CRLF1: variants seen among roughly 807,000 people sequenced by gnomAD.
The protein encoded by CRLF1 is cytokine receptor like factor 1, also known as cytokine receptor-like factor 1.
Under a neutral mutation model 48.9 loss-of-function variants are expected in CRLF1, and 36 were observed. The ratio of observed to expected loss-of-function variants is 0.74; its 90% CI spans 0.56 to 0.97. The LOEUF (loss-of-function observed/expected upper bound fraction) is 0.97, where lower values mean the gene tolerates loss of function less well. Among genes scored for constraint, CRLF1 ranks in the 50% least tolerant of loss-of-function variants. The pLI is 0.00. For missense variants in CRLF1, 534 were observed against 575.1 expected (o/e 0.93, Z 0.73); for synonymous variants, 256 against 253.4 (o/e 1.01, Z -0.10).
Position 18,596,986 on chromosome 19 carries a change from C to G in CRLF1, c.761G>C (p.Ser254Thr), listed in dbSNP as rs142531140. Residue 254 changes from serine (S) to threonine (T), a missense_variant, in exon 5 of 9, where the codon AGC becomes ACC. By Grantham distance (58) the Ser-to-Thr change is moderately conservative. Coordinates refer to ENST00000392386, the MANE Select transcript of CRLF1 (RefSeq NM_004750.5). The part of the protein sequence containing the change: ...SRVGGLEDQL[S>T]VRWVSPPALK... ...GGCGGGTGGCGACACCCAGCGCACG[C>G]TCAGCTGGTCCTCCAGGCCCCCGAC... 3.1e-6 allele frequency: 5 copies of G among 1,613,738 alleles called. No individual in the cohort carries two copies. The Admixed American group carries it at 8.3e-5, about 27-fold the overall frequency.
Position 18,597,013 on chromosome 19 carries a change from C to G in CRLF1, c.734G>C (p.Arg245Pro), listed in dbSNP as rs1010586021. Residue 245 changes from arginine to proline, a missense_variant, in exon 5 of 9, where the codon CGC (arginine) becomes CCC (proline). Arg to Pro is a moderately radical substitution (Grantham distance 103, BLOSUM62 -2). Coordinates refer to ENST00000392386, the MANE Select transcript of CRLF1 (RefSeq NM_004750.5). ...TDPPPDVHVSRVGGLEDQLSV... is the reference protein window; with the variant it reads ...TDPPPDVHVSPVGGLEDQLSV... ...CAGCTGGTCCTCCAGGCCCCCGACG[C>G]GGCTCACGTGCACGTCGGGCGGGGG... is the stretch of plus-strand genomic sequence containing the variant. The G allele has an allele frequency of 1.2e-6, 2 of 1,613,198 alleles. No homozygotes were observed. The highest frequency in any genetic ancestry group is 1.7e-6 in the Non-Finnish European group (2 of 1,179,886).
intron 6 of CRLF1, 134 bp from the exon 7 acceptor site, chr19:18,594,568 T>G: frequency 4.8e-6 from 3 of 631,474 alleles, no homozygotes; most frequent in African/African-American, 2.0e-5. Flanking sequence ...AAGGACCGAG[T>G]CCTCCCCGCG....
chr19:18,595,313 C>G (rs1284000193), intron 6 of CRLF1, among the ~76,000 whole-genome samples: 1 of 152,236 alleles, frequency 6.6e-6, no homozygotes, highest in Non-Finnish European at 1.5e-5. Context: ...AAGGCTCAGG[C>G]CCCTCCCGGC....
chr19:18,595,662 C>G (rs186124855), intron 6 of CRLF1, among the ~76,000 whole-genome samples: 32 of 152,342 alleles, frequency 2.1e-4, no homozygotes, highest in Admixed American at 1.4e-3. Flanking sequence ...GTCATCCAAC[C>G]CTCATAACAG....
intron 1 of CRLF1, among the ~76,000 whole-genome samples, chr19:18,603,537 G>C (rs979206833): frequency 2.6e-5 from 4 of 152,192 alleles, no homozygotes; most frequent in East Asian, 1.9e-4. Context: ...TGAGATATGC[G>C]TTAAAAGGAC....
At chr19:18,605,699 T>G (rs1193273801) in intron 1 of CRLF1, among the ~76,000 whole-genome samples, 1 of 152,158 alleles carries the variant, frequency 6.6e-6, no homozygotes, top group Non-Finnish European at 1.5e-5. Flanking sequence ...CGGGTCTGCA[T>G]ACGGAGACGT....
At chr19:18,605,244 C>G (rs1247158903) in intron 1 of CRLF1, among the ~76,000 whole-genome samples, 2 of 152,166 alleles carry the variant, frequency 1.3e-5, no homozygotes, top group African/African-American at 4.8e-5. Flanking sequence ...CTGGCAGAGC[C>G]GTCAGGGGCC....
At position 18,606,347 on chromosome 19, in the gene CRLF1, G is replaced by A. The variant is rs1976295627; in HGVS notation, c.115+195C>T. ...AGGTAACAGGGCCTCGGGCGCGGAA[G>A]CAGGACTCTCTGGACAGTGGACTGC... On this transcript the variant is annotated intron_variant, in intron 1 of 8. Coordinates refer to ENST00000392386, the MANE Select transcript of CRLF1 (RefSeq NM_004750.5). This position sits in a 1 kb window ranked among gnomAD's most constrained non-coding sequence, Gnocchi z 4.8. 6.6e-6 allele frequency among the ~76,000 whole-genome samples: 1 copy of A among 151,266 alleles called. No individual in the cohort carries two copies. Among genetic ancestry groups the A allele is most frequent in the Non-Finnish European group, 1.5e-5 (1 of 67,672 alleles).
In CRLF1 at chr19:18,599,744, C is replaced by T; in HGVS notation, c.218G>A (p.Gly73Asp). 6.2e-7 allele frequency: 1 copy of T among 1,602,422 alleles called. No homozygotes were observed. Among genetic ancestry groups the T allele is most frequent in the Non-Finnish European group, 8.5e-7 (1 of 1,174,560 alleles). ...HGDPPGATAE[G>D]LYWTLNGRRL... Reference sequence around the variant, plus strand: ...GCGCCCGTTGAGGGTCCAGTAGAGGCCCTCGGCGGTGGCTCCTGGTGGGTC... The same window carrying T: ...GCGCCCGTTGAGGGTCCAGTAGAGGTCCTCGGCGGTGGCTCCTGGTGGGTC... Residue 73 changes from glycine to aspartate, a missense_variant, in exon 2 of 9, where the codon GGC becomes GAC. By Grantham distance (94) the Gly-to-Asp change is moderately conservative. Coordinates refer to ENST00000392386, the MANE Select transcript of CRLF1 (RefSeq NM_004750.5).
chr19:18,594,163 C>G, intron 7 of CRLF1, 56 bp from the exon 8 acceptor site: 2 of 1,594,820 alleles, frequency 1.3e-6, no homozygotes, highest in Admixed American at 3.5e-5. Context: ...GCGTCCACAG[C>G]CTGCTGTCTT....
intron 6 of CRLF1, among the ~76,000 whole-genome samples, chr19:18,596,153 T>C (rs1373491195): frequency 6.6e-6 from 1 of 152,146 alleles, no homozygotes; most frequent in Non-Finnish European, 1.5e-5. Context: ...TTTTTTTTTG[T>C]TTTCCAAACA....
chr19:18,597,224 T>C (rs1976151632), intron 4 of CRLF1, among the ~76,000 whole-genome samples, 175 bp from the exon 5 acceptor site: 1 of 152,026 alleles, frequency 6.6e-6, no homozygotes, highest in South Asian at 2.1e-4. Context: ...GGAGAAACAC[T>C]CAGCACCTAA....
intron 4 of CRLF1, among the ~76,000 whole-genome samples, chr19:18,597,880 C>A (rs553568331): frequency 1.3e-5 from 2 of 151,562 alleles, no homozygotes; most frequent in African/African-American, 2.4e-5. Context: ...ACAACCCAGG[C>A]GTATGTGTGT....
At position 18,597,027 on chromosome 19, in the gene CRLF1, G is replaced by A. The variant is rs894095040; in HGVS notation, c.720C>T (p.Asp240=). The stretch of plus-strand genomic sequence containing the variant: ...GGCCCCCGACGCGGCTCACGTGCAC[G>A]TCGGGCGGGGGGTCCGTGGTCACTG... ...LDVVTTDPPP[D]VHVSRVGGLE... is the part of the protein sequence containing the mutation. The change falls in exon 5 of 9, where the codon GAC becomes GAT. Residue 240 remains aspartate, a synonymous_variant. Coordinates refer to ENST00000392386, the MANE Select transcript of CRLF1 (RefSeq NM_004750.5). The A allele has an allele frequency of 2.5e-6, 4 of 1,612,664 alleles. No homozygotes were observed. Among genetic ancestry groups the A allele is most frequent in the Admixed American group, 1.7e-5 (1 of 59,944 alleles).
chr19:18,599,027 C>T (rs1976183640), intron 2 of CRLF1, 126 bp from the exon 3 acceptor site: 2 of 1,522,954 alleles, frequency 1.3e-6, no homozygotes, highest in Non-Finnish European at 1.8e-6. Flanking sequence ...AGGACAGTCT[C>T]AGCCCTGTGC....
At chr19:18,598,338 C>A in intron 4 of CRLF1, 94 bp downstream of exon 4, 1 of 1,421,676 alleles carries the variant, frequency 7.0e-7, no homozygotes, top group East Asian at 2.3e-5. Flanking sequence ...AGGTGGGACC[C>A]TAGGAAAAAT....
chr19:18,593,691 G>T (rs545117711), intron 8 of CRLF1, 112 bp from the exon 9 acceptor site: 26 of 1,542,114 alleles, frequency 1.7e-5, no homozygotes, highest in Admixed American at 3.9e-5. Flanking sequence ...CTGGCTGTGT[G>T]ACTTTGGGCA....
At chr19:18,597,826 T>C (rs1306842952) in intron 4 of CRLF1, among the ~76,000 whole-genome samples, 1 of 151,710 alleles carries the variant, frequency 6.6e-6, no homozygotes, top group Non-Finnish European at 1.5e-5. Flanking sequence ...AGCGTTAGGA[T>C]GTGGGGAAGA....
chr19:18,599,262 C>T (rs576278145), intron 2 of CRLF1: 3 of 351,186 alleles, frequency 8.5e-6, no homozygotes, highest in Non-Finnish European at 1.2e-5. Context: ...CCTGTCAGCA[C>T]GCCTGGCTAA....
Sources: allele counts gnomAD v4.1 joint callset (sites outside exome capture counted in the v4.1 genomes callset), GRCh38; gene constraint gnomAD v4.1.1; non-coding constraint Gnocchi (gnomAD v3.1); transcripts MANE v1.5; gene names NCBI Gene and HGNC (gene_info 2026-07-23, HGNC 2026-07-21).